The following CNTNAP4 variants were observed in gnomAD, a reference collection of about 807,000 sequenced individuals.
The protein encoded by CNTNAP4 is contactin-associated protein-like 4.
In CNTNAP4, 98 loss-of-function variants were observed where a neutral mutation model predicts 148.4. The observed-to-expected ratio is 0.66, with a 90% CI of 0.56 to 0.78. CNTNAP4 has a LOEUF of 0.78. Among genes scored for constraint, CNTNAP4 ranks in the 30% least tolerant of loss-of-function variants. The pLI, the probability that CNTNAP4 is intolerant of heterozygous loss-of-function variation, is 0.00. For missense variants in CNTNAP4, 1,935 were observed against 1,565.6 expected, an observed-to-expected ratio of 1.24 and a Z score of -3.98; for synonymous variants, 730 against 565.1, an observed-to-expected ratio of 1.29 and a Z score of -4.14.
At position 76,538,325 on chromosome 16, in the gene CNTNAP4, A is replaced by T. The variant is rs774615597; in HGVS notation, c.3205A>T (p.Ile1069Phe). 1 of 1,602,676 alleles carries T rather than the reference A, an allele frequency of 6.2e-7. No homozygotes were observed. Among genetic ancestry groups the T allele is most frequent in the South Asian group, 1.1e-5 (1 of 89,258 alleles). ...CTTTTACAAAGAATACCTTTCTGTGATCATTGCCAAAAATGGTGAGTTCTT... is the reference window on the plus strand; with the variant it reads ...CTTTTACAAAGAATACCTTTCTGTGTTCATTGCCAAAAATGGTGAGTTCTT... ...SSFYKEYLSV[I>F]IAKNGSLQIR... The change falls in exon 19 of 24, where the codon ATC (isoleucine) becomes TTC (phenylalanine). Residue 1069 changes from isoleucine (I) to phenylalanine (F), a missense_variant. Physicochemically the swap from Ile to Phe is conservative, Grantham distance 21. Transcript: ENST00000611870.
intron 3 of CNTNAP4, among the ~76,000 whole-genome samples, chr16:76,369,193 A>G (rs1180821116): frequency 2.0e-5 from 3 of 152,198 alleles, no homozygotes; most frequent in Non-Finnish European, 4.4e-5. Context: ...AAACTGCAAT[A>G]TTTTAGACAT....
At chr16:76,323,835 T>C (rs1446551204) in intron 2 of CNTNAP4, among the ~76,000 whole-genome samples, 1 of 152,194 alleles carries the variant, frequency 6.6e-6, no homozygotes, top group Middle Eastern at 3.2e-3. Context: ...GCCAAGTAGC[T>C]AATCCTAAGT....
chr16:76,384,113 G>T (rs1461404098), intron 3 of CNTNAP4, among the ~76,000 whole-genome samples: 1 of 151,806 alleles, frequency 6.6e-6, no homozygotes, highest in East Asian at 1.9e-4. Flanking sequence ...GCACTATCTT[G>T]GCTCGCTGCA....
chr16:76,404,319 G>C (rs2078525736), intron 3 of CNTNAP4, among the ~76,000 whole-genome samples: 1 of 150,358 alleles, frequency 6.7e-6, no homozygotes, highest in Admixed American at 6.6e-5. Context: ...AAGCATATCA[G>C]GATCACCGAG....
chr16:76,307,168 C>T (rs1960563217), intron 1 of CNTNAP4, among the ~76,000 whole-genome samples: 1 of 151,864 alleles, frequency 6.6e-6, no homozygotes, highest in South Asian at 2.1e-4. Flanking sequence ...ATATGTTTGG[C>T]CAACAATGTA....
chr16:76,462,026 G>T lies in CNTNAP4; in HGVS notation c.1404G>T (p.Ala468=). 1 of 1,613,746 alleles carries T rather than the reference G, an allele frequency of 6.2e-7. No homozygotes were observed. The highest frequency in any genetic ancestry group is 2.2e-5 in the East Asian group (1 of 44,868). The change falls in exon 9 of 24, where the codon GCG becomes GCT. Residue 468 remains alanine (A), a synonymous_variant. Coordinates refer to ENST00000611870, the MANE Select transcript of CNTNAP4 (RefSeq NM_033401.5). ...LSAKKNHLSV[A]VDGQMASAAP... is the part of the protein sequence containing the mutation. ...CTAAAAAGAATCACTTGAGTGTGGC[G>T]GTGGACGGCCAGATGGCTTCTGCTG...
intron 3 of CNTNAP4, among the ~76,000 whole-genome samples, chr16:76,395,200 G>C (rs1292310860): frequency 1.3e-5 from 2 of 152,024 alleles, no homozygotes; most frequent in African/African-American, 2.4e-5. Context: ...ACTTGAAGCT[G>C]CTTAGAGGGC....
chr16:76,418,350 TCTTTG>T (rs142989721), intron 3 of CNTNAP4, among the ~76,000 whole-genome samples: 49,056 of 145,492 alleles, frequency 0.34, 9,779 homozygotes, highest in Non-Finnish European at 0.44. Context: ...GCTTTTTTTT[TCTTTG>T]TCTATTACAG....
intron 1 of CNTNAP4, among the ~76,000 whole-genome samples, chr16:76,278,453 C>T (rs1469302372): frequency 6.6e-6 from 1 of 152,130 alleles, no homozygotes; most frequent in Non-Finnish European, 1.5e-5. Flanking sequence ...ATTGAATGTT[C>T]TGATGAAATA....
In CNTNAP4 at chr16:76,415,566, A is replaced by G. The variant is rs2078943314; in HGVS notation, c.391-11886A>G. Among the ~76,000 whole-genome samples the G allele has an allele frequency of 4.6e-5, 7 of 151,248 alleles. No individual in the cohort carries two copies. The South Asian group carries it at 1.5e-3, about 31-fold the overall frequency. ...TACCTTTGAAATCATTTTTATTGAG[A>G]AAGTATTTAGTTGCCATAAAATGCA... On this transcript the variant is annotated intron_variant, in intron 3 of 23. Transcript: ENST00000611870.
chr16:76,382,532 A>G (rs1182311974), intron 3 of CNTNAP4, among the ~76,000 whole-genome samples: 1 of 152,202 alleles, frequency 6.6e-6, no homozygotes, highest in Non-Finnish European at 1.5e-5. Flanking sequence ...ATAATTTTCA[A>G]TTTAAGAGAA....
At chr16:76,478,338 A>G (rs114643292) in intron 11 of CNTNAP4, among the ~76,000 whole-genome samples, 45 of 152,234 alleles carry the variant, frequency 3.0e-4, no homozygotes, top group Non-Finnish European at 5.0e-4. Flanking sequence ...TTCAGTGCAC[A>G]AAATGCAAAT....
intron 8 of CNTNAP4, among the ~76,000 whole-genome samples, chr16:76,455,725 G>C (rs1447713497): frequency 2.6e-5 from 4 of 152,174 alleles, no homozygotes; most frequent in African/African-American, 9.7e-5. Context: ...AACACCCTTT[G>C]GTTTTTCCCT....
chr16:76,382,042 C>A (rs186766818), intron 3 of CNTNAP4, among the ~76,000 whole-genome samples: 1,590 of 107,758 alleles, frequency 0.015, 28 homozygotes, highest in African/African-American at 0.047. Context: ...GCCTGGGGGA[C>A]AGAGCGAGAC....
At chr16:76,497,742 A>G (rs954675674) in intron 14 of CNTNAP4, among the ~76,000 whole-genome samples, 3 of 152,188 alleles carry the variant, frequency 2.0e-5, no homozygotes, top group Non-Finnish European at 2.9e-5. Context: ...TACCTAATGT[A>G]GATGATGGGT....
intron 4 of CNTNAP4, among the ~76,000 whole-genome samples, chr16:76,432,945 G>A (rs75642167): frequency 0.012 from 1,872 of 152,108 alleles, 39 homozygotes; most frequent in African/African-American, 0.043. Context: ...CAATCACCAC[G>A]TACCCACCAG....
intron 3 of CNTNAP4, among the ~76,000 whole-genome samples, chr16:76,391,434 C>G (rs918748371): frequency 1.3e-5 from 2 of 152,140 alleles, no homozygotes; most frequent in African/African-American, 4.8e-5. Flanking sequence ...TTGGAATGTT[C>G]CAAAGCATGC....
intron 4 of CNTNAP4, among the ~76,000 whole-genome samples, chr16:76,444,129 A>G (rs540832230): frequency 2.8e-4 from 43 of 152,310 alleles, no homozygotes; most frequent in Non-Finnish European, 1.8e-4. Flanking sequence ...CCAGGAAAGC[A>G]TGTTAGAATA....
At chr16:76,397,995 T>C (rs1359889344) in intron 3 of CNTNAP4, among the ~76,000 whole-genome samples, 1 of 88,652 alleles carries the variant, frequency 1.1e-5, no homozygotes, top group Non-Finnish European at 2.1e-5. Flanking sequence ...TATATATATA[T>C]ATATATGGAG....
Sources: gnomAD v4.1 joint callset for allele counts (sites outside exome capture counted in the v4.1 genomes callset) on GRCh38, gnomAD v4.1.1 for gene constraint, MANE v1.5 for transcripts, NCBI Gene and HGNC (gene_info 2026-07-23, HGNC 2026-07-21) for gene names.